Variants in GABRB1 observed in about 807,000 individuals in gnomAD.
GABRB1 encodes gamma-aminobutyric acid type A receptor subunit beta1.
In GABRB1, 17 loss-of-function variants were observed where a neutral mutation model predicts 51.6. That is an observed-to-expected ratio of 0.33 (90% CI 0.23 to 0.49). The LOEUF is 0.49. Ranked by LOEUF, GABRB1 falls within the 20% of genes least tolerant of loss-of-function variation. The pLI is 0.99. For missense variants in GABRB1, 410 were observed against 600.6 expected, an observed-to-expected ratio of 0.68 and a Z score of 3.32; for synonymous variants, 247 against 218.9, an observed-to-expected ratio of 1.13 and a Z score of -1.14.
At chr4:47,193,913 A>G (rs1243951567) in intron 4 of GABRB1, among the ~76,000 whole-genome samples, 1 of 152,202 alleles carries the variant, frequency 6.6e-6, no homozygotes, top group African/African-American at 2.4e-5. Context: ...TATGACCGAG[A>G]AAAGGGCAGC....
chr4:47,224,424 A>G (rs73247676), intron 4 of GABRB1, among the ~76,000 whole-genome samples: 17,585 of 152,104 alleles, frequency 0.12, 1,254 homozygotes, highest in Non-Finnish European at 0.15. Flanking sequence ...CCCAAATACA[A>G]GAAAAAGTGA....
At chr4:47,287,266 A>ATTT (rs1453690493) in intron 4 of GABRB1, among the ~76,000 whole-genome samples, 2 of 152,076 alleles carry the variant, frequency 1.3e-5, no homozygotes, top group African/African-American at 4.8e-5. Context: ...TTTTAATTTG[A>ATTT]TTTACTATAT....
At chr4:47,115,962 T>A (rs991159303) in intron 3 of GABRB1, among the ~76,000 whole-genome samples, 1 of 152,246 alleles carries the variant, frequency 6.6e-6, no homozygotes, top group African/African-American at 2.4e-5. Flanking sequence ...ACCATGTTAG[T>A]CAGGCTATAT....
chr4:47,302,976 T>TAA (rs1479604334), intron 4 of GABRB1, among the ~76,000 whole-genome samples: 2 of 152,014 alleles, frequency 1.3e-5, no homozygotes, highest in Admixed American at 6.6e-5. Context: ...AGAAGTACAT[T>TAA]TTTTAACTTT....
At chr4:47,165,568 AAGACCC>A (rs1645686382) in intron 4 of GABRB1, among the ~76,000 whole-genome samples, 2 of 152,118 alleles carry the variant, frequency 1.3e-5, no homozygotes, top group African/African-American at 4.8e-5. Flanking sequence ...CAGGACTTCC[AAGACCC>A]AGCCCAATTT....
At chr4:47,198,244 C>T (rs1428205853) in intron 4 of GABRB1, among the ~76,000 whole-genome samples, 1 of 152,152 alleles carries the variant, frequency 6.6e-6, no homozygotes, top group Non-Finnish European at 1.5e-5. Context: ...ATGGGATAAA[C>T]TCAGAGGGAC....
intron 8 of GABRB1, among the ~76,000 whole-genome samples, chr4:47,420,615 T>C (rs1015784436): frequency 6.6e-6 from 1 of 152,232 alleles, no homozygotes; most frequent in African/African-American, 2.4e-5. Context: ...ATTTGGCCAC[T>C]GCAGATGTTG....
chr4:47,095,785 T>C (rs1714395229), intron 3 of GABRB1, among the ~76,000 whole-genome samples: 1 of 152,222 alleles, frequency 6.6e-6, no homozygotes, highest in South Asian at 2.1e-4. Flanking sequence ...GATTTTTATT[T>C]CAAATATCAA....
At chr4:47,206,142 TC>T (rs1390626056) in intron 4 of GABRB1, among the ~76,000 whole-genome samples, 1 of 152,084 alleles carries the variant, frequency 6.6e-6, no homozygotes, top group Admixed American at 6.6e-5. Flanking sequence ...GACTTTTTAA[TC>T]TTTTTTATTC....
chr4:47,128,695 C>T (rs1716275694), intron 3 of GABRB1, among the ~76,000 whole-genome samples: 1 of 151,756 alleles, frequency 6.6e-6, no homozygotes, highest in South Asian at 2.1e-4. Flanking sequence ...AGTTTTGCCC[C>T]TTTTGAAATG....
chr4:47,197,706 C>T (rs1004336615), intron 4 of GABRB1, among the ~76,000 whole-genome samples: 7 of 152,228 alleles, frequency 4.6e-5, no homozygotes, highest in African/African-American at 7.2e-5. Flanking sequence ...TGTTTCTAAG[C>T]GCTAGCTTAG....
At chr4:47,419,366 G>C (rs1249206959) in intron 8 of GABRB1, among the ~76,000 whole-genome samples, 1 of 152,160 alleles carries the variant, frequency 6.6e-6, no homozygotes, top group Non-Finnish European at 1.5e-5. Flanking sequence ...TGATCAGCAG[G>C]CCTTAAGGCT....
At chr4:47,250,198 C>T (rs917808188) in intron 4 of GABRB1, among the ~76,000 whole-genome samples, 15 of 152,058 alleles carry the variant, frequency 9.9e-5, no homozygotes, top group African/African-American at 3.6e-4. Flanking sequence ...TGTATCTTTC[C>T]TTCATATATG....
intron 4 of GABRB1, among the ~76,000 whole-genome samples, chr4:47,251,341 T>C (rs1436726761): frequency 6.6e-6 from 1 of 152,098 alleles, no homozygotes. Flanking sequence ...ACTGTTCCAG[T>C]GGAGGTGGCA....
intron 5 of GABRB1, among the ~76,000 whole-genome samples, chr4:47,353,646 G>C (rs558628824): frequency 2.1e-4 from 32 of 152,236 alleles, no homozygotes; most frequent in African/African-American, 7.2e-4. Flanking sequence ...CTAGTACACA[G>C]TAGACATTCA....
At chr4:47,361,793 T>C (rs143192371) in intron 5 of GABRB1, among the ~76,000 whole-genome samples, 72 of 152,242 alleles carry the variant, frequency 4.7e-4, no homozygotes, top group African/African-American at 1.7e-3. Flanking sequence ...TTGTTGATGA[T>C]AGGTTTTGAT....
At chr4:47,047,118 T>G (rs1029244080) in intron 3 of GABRB1, among the ~76,000 whole-genome samples, 49 of 151,974 alleles carry the variant, frequency 3.2e-4, no homozygotes, top group African/African-American at 1.0e-3. Flanking sequence ...TGTAAGAAAC[T>G]TTCACATGTA....
intron 5 of GABRB1, among the ~76,000 whole-genome samples, chr4:47,338,480 A>G (rs1446699334): frequency 1.3e-5 from 2 of 152,200 alleles, no homozygotes; most frequent in Non-Finnish European, 2.9e-5. Flanking sequence ...TTTCGTTGAT[A>G]TTTTAACTAA....
intron 4 of GABRB1, among the ~76,000 whole-genome samples, chr4:47,211,722 T>TCA (rs1288590441): frequency 6.6e-6 from 1 of 152,182 alleles, no homozygotes; most frequent in Non-Finnish European, 1.5e-5. Flanking sequence ...TGTGCTAAAG[T>TCA]CAAGGTATCC....
Sources: allele counts gnomAD v4.1 joint callset (sites outside exome capture counted in the v4.1 genomes callset), GRCh38; gene constraint gnomAD v4.1.1; transcripts MANE v1.5; gene names NCBI Gene and HGNC (gene_info 2026-07-23, HGNC 2026-07-21).